TTLL3: variants seen among roughly 807,000 people sequenced by gnomAD.
The protein encoded by TTLL3 is tubulin monoglycylase TTLL3.
TTLL3 carries 63 observed loss-of-function variants against 75.2 expected under a neutral mutation model. The ratio of observed to expected loss-of-function variants is 0.84; its 90% CI spans 0.68 to 1.03. The LOEUF (loss-of-function observed/expected upper bound fraction) is 1.03, where lower values mean the gene tolerates loss of function less well. Among genes scored for constraint, TTLL3 ranks in the 50% least tolerant of loss-of-function variants. The pLI is 0.00. For missense variants in TTLL3, 997 were observed against 1,069.9 expected (o/e 0.93, Z 0.95); for synonymous variants, 393 against 418.5 (o/e 0.94, Z 0.74).
At chr3:9,829,580 A>G (rs555412349) in intron 11 of TTLL3, among the ~76,000 whole-genome samples, 185 bp downstream of exon 11, 1 of 152,272 alleles carries the variant, frequency 6.6e-6, no homozygotes, top group African/African-American at 2.4e-5. Flanking sequence ...GGATATTATT[A>G]CCATCTTTCT....
intron 11 of TTLL3, among the ~76,000 whole-genome samples, chr3:9,830,260 A>G (rs1374449261): frequency 6.6e-6 from 1 of 152,228 alleles, no homozygotes; most frequent in Non-Finnish European, 1.5e-5. Flanking sequence ...AAGTGCCTGA[A>G]TGTATAGTAA....
chr3:9,822,168 C>T (rs1312062548), intron 8 of TTLL3, among the ~76,000 whole-genome samples: 3 of 138,654 alleles, frequency 2.2e-5, no homozygotes, highest in African/African-American at 5.3e-5. Flanking sequence ...TGGGTTCATG[C>T]GATTCTCCTG....
chr3:9,825,726 A>G lies in TTLL3; in HGVS notation c.855-74A>G, dbSNP rs778956890. The G allele has an allele frequency of 2.5e-6, 4 of 1,612,272 alleles. No homozygotes were observed. In the African/African-American group the frequency reaches 5.3e-5, roughly 22 times the overall value. ...CTGGATGACGGCGGGGGATGGTGGA[A>G]TATATCTCCCCCTGCCCTCTCCACC... On this transcript the variant is annotated intron_variant, in intron 8 of 13. Transcript: ENST00000685419.
At chr3:9,833,823 A>G (rs1427070839) in intron 12 of TTLL3, among the ~76,000 whole-genome samples, 3 of 152,286 alleles carry the variant, frequency 2.0e-5, no homozygotes, top group Admixed American at 6.5e-5. Context: ...CCTGGGAGAC[A>G]GAGCGAGATG....
chr3:9,819,367 A>G, intron 7 of TTLL3: 2 of 307,290 alleles, frequency 6.5e-6, no homozygotes, highest in Non-Finnish European at 1.0e-5. Flanking sequence ...TGTCCCAGGT[A>G]CTTAGACACT....
chr3:9,834,489 G>A (rs931649359), intron 12 of TTLL3, 192 bp from the exon 13 acceptor site: 21 of 903,006 alleles, frequency 2.3e-5, no homozygotes, highest in Non-Finnish European at 3.7e-5. Flanking sequence ...GGGCACAGCT[G>A]GGATGCAGAC....
At position 9,835,229 on chromosome 3, in the gene TTLL3, C is replaced by G; in HGVS notation, c.2188C>G (p.Pro730Ala). ...KANSRPDCDK[P>A]RAEACPMKRL... ...AAATTCAAGGCCAGACTGTGACAAA[C>G]CCAGGGCTGAGGCCTGCCCCATGAA... Residue 730 changes from proline (P) to alanine (A), a missense_variant, in exon 14 of 14, where the codon CCC (proline) becomes GCC (alanine). By Grantham distance (27) the Pro-to-Ala change is conservative. Transcript: ENST00000685419. 6.2e-7 allele frequency: 1 copy of G among 1,614,190 alleles called. No homozygotes were observed. Among genetic ancestry groups the G allele is most frequent in the Non-Finnish European group, 8.5e-7 (1 of 1,180,030 alleles).
At chr3:9,822,928 T>G (rs2080617643) in intron 8 of TTLL3, among the ~76,000 whole-genome samples, 1 of 150,072 alleles carries the variant, frequency 6.7e-6, no homozygotes, top group Admixed American at 6.6e-5. Flanking sequence ...CAATATTTAG[T>G]GTTAATGCTT....
At chr3:9,826,250 C>T (rs1034125056) in intron 9 of TTLL3, among the ~76,000 whole-genome samples, 13 of 152,180 alleles carry the variant, frequency 8.5e-5, no homozygotes, top group South Asian at 2.1e-4. Flanking sequence ...TCCTGGGAAA[C>T]GGAGGCACGT....
At chr3:9,824,497 G>A (rs1375966968) in intron 8 of TTLL3, among the ~76,000 whole-genome samples, 6 of 152,088 alleles carry the variant, frequency 3.9e-5, no homozygotes, top group Non-Finnish European at 8.8e-5. Flanking sequence ...TACAACCTCC[G>A]CCTCCTGGCT....
rs756668186 is a variant in TTLL3 at position 9,829,204 on chromosome 3, G to A, written c.1492G>A (p.Ala498Thr). 41 of 1,614,074 alleles carry A rather than the reference G, an allele frequency of 2.5e-5. No homozygotes were observed. Among genetic ancestry groups the A allele is most frequent in the Middle Eastern group, 1.6e-4 (1 of 6,084 alleles). Residue 498 changes from alanine (A) to threonine (T), a missense_variant, in exon 11 of 14, where the codon GCT becomes ACT. Coordinates refer to ENST00000685419, the MANE Select transcript of TTLL3 (RefSeq NM_001387446.1). The part of the protein sequence containing the change: ...CRKASFELYG[A>T]DFVFGEDFQP... ...GAAGGCCAGCTTTGAGCTCTATGGCGCTGACTTCGTGTTCGGGGAGGACTT... is the reference window on the plus strand; with the variant it reads ...GAAGGCCAGCTTTGAGCTCTATGGCACTGACTTCGTGTTCGGGGAGGACTT...
chr3:9,810,453 C>T lies in TTLL3; in HGVS notation c.-42+59C>T. The T allele has an allele frequency of 1.4e-6, 2 of 1,432,734 alleles. No individual in the cohort carries two copies. The highest frequency in any genetic ancestry group is 9.1e-7 in the Non-Finnish European group (1 of 1,097,364). 88.8% of individuals were successfully genotyped at this position (1,432,734 alleles called of 1,614,324 possible). A position where few individuals can be genotyped will look rare whatever the true frequency, so the allele number is the denominator to read the frequency against. ...CAGCGGCTGCGAGGACGACAAGACG[C>T]TGGGGTGGAGGGACTGGGGGTCGGG... On this transcript the variant is annotated intron_variant, in intron 1 of 13. Coordinates refer to ENST00000685419, the MANE Select transcript of TTLL3 (RefSeq NM_001387446.1). This position sits in a 1 kb window ranked among gnomAD's most constrained non-coding sequence, Gnocchi z 4.4.
At position 9,810,701 on chromosome 3, in the gene TTLL3, G is replaced by C. The variant is rs772482701; in HGVS notation, c.40G>C (p.Ala14Pro). ...LRNAKIYVER[A>P]VKQKKIFTIQ... is the part of the protein sequence containing the mutation. ...AAACGCCAAAATCTACGTGGAGAGA[G>C]CTGTCAAGGTCAGAGGAGGGGCAGG... The change falls in exon 2 of 14, where the codon GCT (alanine) becomes CCT (proline). Residue 14 changes from alanine to proline, a missense_variant. Ala to Pro is a conservative substitution (Grantham distance 27). Transcript: ENST00000685419. The surrounding 1 kb of genome is among the most constrained non-coding windows in gnomAD (Gnocchi z 4.4). 2 of 1,586,840 alleles carry C rather than the reference G, an allele frequency of 1.3e-6. No homozygotes were observed. Among genetic ancestry groups the C allele is most frequent in the Admixed American group, 3.6e-5 (2 of 54,818 alleles).
At chr3:9,810,226 G>A (rs757080331), upstream of TTLL3, 5 of 1,507,310 alleles carry the variant, frequency 3.3e-6, no homozygotes, top group South Asian at 6.2e-5. The surrounding 1 kb of genome is among the most constrained non-coding windows in gnomAD (Gnocchi z 4.4). Context: ...CGCCCAGTCC[G>A]AGGAGGGTCA....
intron 11 of TTLL3, among the ~76,000 whole-genome samples, chr3:9,830,612 G>T (rs1272361494): frequency 6.6e-6 from 1 of 152,128 alleles, no homozygotes; most frequent in Non-Finnish European, 1.5e-5. Flanking sequence ...AAATACATGG[G>T]CAGGAAAATA....
chr3:9,823,103 G>A (rs929230838), intron 8 of TTLL3, among the ~76,000 whole-genome samples: 1 of 150,994 alleles, frequency 6.6e-6, no homozygotes, highest in Admixed American at 6.6e-5. Context: ...AATTAGCAGG[G>A]CCGGGCACGG....
In TTLL3 at chr3:9,820,668, G is replaced by T. The variant is rs768381934; in HGVS notation, c.781G>T (p.Asp261Tyr). The change falls in exon 8 of 14, where the codon GAC becomes TAC. Residue 261 changes from aspartate to tyrosine, a missense_variant. Transcript: ENST00000685419. ...SNLAHMDIDKDLEAPLYLTPE... is the reference protein window; with the variant it reads ...SNLAHMDIDKYLEAPLYLTPE... The stretch of plus-strand genomic sequence containing the variant: ...CTTGGCCCACATGGACATCGACAAG[G>T]ACCTGGAGGCCCCGCTGTACCTCAC... 6.2e-7 allele frequency: 1 copy of T among 1,614,160 alleles called. No homozygotes were observed. The highest frequency in any genetic ancestry group is 1.1e-5 in the South Asian group (1 of 91,090).
At chr3:9,827,706 G>A (rs1018614025) in intron 10 of TTLL3, 13 of 199,974 alleles carry the variant, frequency 6.5e-5, no homozygotes, top group Admixed American at 2.7e-4. Flanking sequence ...AGATTTGACC[G>A]AGTGTGTACC....
chr3:9,825,012 A>G lies in TTLL3; in HGVS notation c.855-788A>G, dbSNP rs561060343. Among the ~76,000 whole-genome samples the G allele has an allele frequency of 3.4e-4, 52 of 152,168 alleles. 1 individual carries two copies. The East Asian group carries it at 5.7e-3, about 17-fold the overall frequency. Reference sequence around the variant, plus strand: ...TGCCTCCGCCTCCCAAAGTGCTGGGATTACAGGCAGGAGCCACCGTGCCTG... The same window carrying G: ...TGCCTCCGCCTCCCAAAGTGCTGGGGTTACAGGCAGGAGCCACCGTGCCTG... On this transcript the variant is annotated intron_variant, in intron 8 of 13. Transcript: ENST00000685419.
Sources: allele counts gnomAD v4.1 joint callset (sites outside exome capture counted in the v4.1 genomes callset), GRCh38; gene constraint gnomAD v4.1.1; non-coding constraint Gnocchi (gnomAD v3.1); transcripts MANE v1.5; gene names NCBI Gene and HGNC (gene_info 2026-07-23, HGNC 2026-07-21).